The following ARF3 variants were observed in gnomAD, a reference collection of about 807,000 sequenced individuals.
The protein encoded by ARF3 is ADP-ribosylation factor 3.
Under a neutral mutation model 19.3 loss-of-function variants are expected in ARF3, and 5 were observed. The ratio of observed to expected loss-of-function variants is 0.26; its 90% confidence interval spans 0.14 to 0.54. ARF3 has a LOEUF of 0.54. Ranked by LOEUF, ARF3 falls within the 20% of genes least tolerant of loss-of-function variation. ARF3 has a pLI of 0.95. For synonymous variants in ARF3, 71 were observed against 89.2 expected, an observed-to-expected ratio of 0.80 and a Z score of 1.15; for missense variants, 77 against 234.2, an observed-to-expected ratio of 0.33 and a Z score of 4.38.
In ARF3 at chr12:48,946,424, G is replaced by T. The variant is rs1292776952; in HGVS notation, c.-93-5236C>A. On this transcript the variant is annotated intron_variant, in intron 1 of 4. Coordinates refer to ENST00000256682, the MANE Select transcript of ARF3 (RefSeq NM_001659.3). Reference sequence around the variant, plus strand: ...CACAGATGGTACTCCTGTGTTTATAGGGCAAAATGCCAGGGTTCCATTGGC... The same window carrying T: ...CACAGATGGTACTCCTGTGTTTATATGGCAAAATGCCAGGGTTCCATTGGC... Among the ~76,000 whole-genome samples, 7 of 152,298 alleles carry T rather than the reference G, an allele frequency of 4.6e-5. No homozygotes were observed. In the South Asian group the frequency reaches 1.4e-3, roughly 32 times the overall value.
At chr12:48,944,676 G>C (rs1218906960) in intron 1 of ARF3, among the ~76,000 whole-genome samples, 1 of 152,142 alleles carries the variant, frequency 6.6e-6, no homozygotes, top group East Asian at 1.9e-4. Flanking sequence ...AGTAGGATTT[G>C]GTATCTCTGT....
At chr12:48,953,473 C>A (rs1467400621) in intron 1 of ARF3, among the ~76,000 whole-genome samples, 3 of 152,068 alleles carry the variant, frequency 2.0e-5, no homozygotes, top group Admixed American at 2.0e-4. Context: ...TCTCCTACAT[C>A]TTAAGCTCAT....
intron 1 of ARF3, among the ~76,000 whole-genome samples, chr12:48,943,705 G>GA (rs1940306415): frequency 1.3e-5 from 2 of 152,072 alleles, no homozygotes; most frequent in East Asian, 1.9e-4. Context: ...TAGTTTGTCC[G>GA]AAAAAACAGA....
chr12:48,954,170 C>T (rs1298108861), intron 1 of ARF3, among the ~76,000 whole-genome samples: 2 of 152,238 alleles, frequency 1.3e-5, no homozygotes, highest in Non-Finnish European at 2.9e-5. Context: ...CATATCTTCA[C>T]CCTACATCCA....
rs559499926 is a variant in ARF3, at chr12:48,947,564, C to G, written c.-93-6376G>C. 1.2e-3 allele frequency among the ~76,000 whole-genome samples: 189 copies of G among 152,270 alleles called. 1 individual carries two copies. Among genetic ancestry groups the G allele is most frequent in the Admixed American group, 2.8e-3 (43 of 15,292 alleles). ...CTTGTGATCTGCCCACCTCTGCCCCCCAAAGTGCTGGGATTACAGGCGTGG... is the reference window on the plus strand; with the variant it reads ...CTTGTGATCTGCCCACCTCTGCCCCGCAAAGTGCTGGGATTACAGGCGTGG... On this transcript the variant is annotated intron_variant, in intron 1 of 4. Coordinates refer to ENST00000256682, the MANE Select transcript of ARF3 (RefSeq NM_001659.3).
chr12:48,956,824 C>G (rs1037898551), intron 1 of ARF3, among the ~76,000 whole-genome samples: 1 of 152,156 alleles, frequency 6.6e-6, no homozygotes, highest in Non-Finnish European at 1.5e-5. Flanking sequence ...AACCCCCCTA[C>G]GCACCCCTGC....
intron 1 of ARF3, among the ~76,000 whole-genome samples, chr12:48,953,593 GC>G (rs1940506949): frequency 6.6e-6 from 1 of 152,104 alleles, no homozygotes; most frequent in Non-Finnish European, 1.5e-5. Context: ...CAAGAGACCT[GC>G]CACACCCAGT....
chr12:48,943,584 G>C (rs149793116), intron 1 of ARF3, among the ~76,000 whole-genome samples: 77 of 152,246 alleles, frequency 5.1e-4, no homozygotes, highest in African/African-American at 1.6e-3. Context: ...GTGGGAGTTT[G>C]GTTGTTTTTA....
intron 1 of ARF3, among the ~76,000 whole-genome samples, chr12:48,952,849 C>G (rs1295132432): frequency 6.6e-6 from 1 of 152,220 alleles, no homozygotes; most frequent in Non-Finnish European, 1.5e-5. Context: ...TCCAGAGCTG[C>G]AACTGCCCAA....
At chr12:48,951,565 AAAATAAAT>A (rs930367920) in intron 1 of ARF3, among the ~76,000 whole-genome samples, 3 of 149,008 alleles carry the variant, frequency 2.0e-5, no homozygotes, top group African/African-American at 7.4e-5. Context: ...CTCCATCACA[AAAATAAAT>A]AAATAAATAA....
chr12:48,943,005 G>A (rs1349340383), intron 1 of ARF3, among the ~76,000 whole-genome samples: 1 of 152,176 alleles, frequency 6.6e-6, no homozygotes, highest in African/African-American at 2.4e-5. Context: ...TACTCGGAAC[G>A]TTGAGGCAGG....
Position 48,939,848 on chromosome 12 carries a change from C to T in ARF3, c.260-69G>A, listed in dbSNP as rs1592238682. On this transcript the variant is annotated intron_variant, in intron 3 of 4. Coordinates refer to ENST00000256682, the MANE Select transcript of ARF3 (RefSeq NM_001659.3). This position sits in a 1 kb window ranked among gnomAD's most constrained non-coding sequence, Gnocchi z 4.8. ...CCCTCCCCCCAACCAAAAGACCACACCTGCCTGACACCCTCCAAATATTTG... is the reference window on the plus strand; with the variant it reads ...CCCTCCCCCCAACCAAAAGACCACATCTGCCTGACACCCTCCAAATATTTG... The T allele has an allele frequency of 1.2e-6, 2 of 1,607,740 alleles. No homozygotes were observed. Among genetic ancestry groups the T allele is most frequent in the Non-Finnish European group, 1.7e-6 (2 of 1,175,244 alleles).
chr12:48,937,702 G>C lies in ARF3; in HGVS notation c.*1245C>G, dbSNP rs535998687. The C allele has an allele frequency of 9.8e-5, 15 of 152,418 alleles. No individual in the cohort carries two copies. In the East Asian group the frequency reaches 2.7e-3, roughly 27 times the overall value. 9.4% of individuals were successfully genotyped at this position (152,418 alleles called of 1,614,324 possible). A position where few individuals can be genotyped will look rare whatever the true frequency, so the allele number is the denominator to read the frequency against. On this transcript the variant is annotated 3_prime_UTR_variant, in exon 5 of 5. Coordinates refer to ENST00000256682, the MANE Select transcript of ARF3 (RefSeq NM_001659.3). ...TAGCATATCCTGGACTAGAAAACAAGAGTTGGAGAAGAGGGGGGTTGATAC... is the reference window on the plus strand; with the variant it reads ...TAGCATATCCTGGACTAGAAAACAACAGTTGGAGAAGAGGGGGGTTGATAC...
At chr12:48,943,389 G>T (rs1249105925) in intron 1 of ARF3, among the ~76,000 whole-genome samples, 1 of 152,142 alleles carries the variant, frequency 6.6e-6, no homozygotes, top group African/African-American at 2.4e-5. Flanking sequence ...GTGTCAGCGG[G>T]CAGCTTATTC....
chr12:48,945,332 C>A (rs1940339826), intron 1 of ARF3, among the ~76,000 whole-genome samples: 2 of 152,034 alleles, frequency 1.3e-5, no homozygotes, highest in Non-Finnish European at 2.9e-5. Flanking sequence ...GTAATCCCAG[C>A]ACTCTGGGAG....
At chr12:48,946,728 C>T (rs994914526) in intron 1 of ARF3, among the ~76,000 whole-genome samples, 1 of 152,232 alleles carries the variant, frequency 6.6e-6, no homozygotes, top group African/African-American at 2.4e-5. Context: ...CCTCATCCCC[C>T]CAGGAGAAGC....
chr12:48,946,277 T>C (rs145131219), intron 1 of ARF3, among the ~76,000 whole-genome samples: 4 of 152,342 alleles, frequency 2.6e-5, no homozygotes, highest in African/African-American at 4.8e-5. Context: ...TCTCTGGCTA[T>C]ACAGCCTATT....
At chr12:48,940,148 A>G (rs746250445) in intron 2 of ARF3, 41 bp from the exon 3 acceptor site, 3 of 1,525,296 alleles carry the variant, frequency 2.0e-6, no homozygotes, top group African/African-American at 1.4e-5. Context: ...GGCCTCAAAC[A>G]CTAGCCCCGC....
At chr12:48,947,858 G>A (rs558665247) in intron 1 of ARF3, among the ~76,000 whole-genome samples, 1 of 152,078 alleles carries the variant, frequency 6.6e-6, no homozygotes, top group African/African-American at 2.4e-5. Context: ...AAAGGAAGAC[G>A]AGGAAGTAAT....
Sources: gnomAD v4.1 joint callset for allele counts (sites outside exome capture counted in the v4.1 genomes callset) on GRCh38, gnomAD v4.1.1 for gene constraint, Gnocchi (gnomAD v3.1) non-coding constraint, MANE v1.5 for transcripts, NCBI Gene and HGNC (gene_info 2026-07-23, HGNC 2026-07-21) for gene names.